Variants in FRMD4A observed in about 807,000 individuals in gnomAD.
FRMD4A encodes FERM domain-containing protein 4A.
In FRMD4A, 29 loss-of-function variants were observed where a neutral mutation model predicts 129.1. The ratio of observed to expected loss-of-function variants is 0.22; its 90% confidence interval spans 0.17 to 0.31. The LOEUF (loss-of-function observed/expected upper bound fraction) is 0.31, where lower values mean the gene tolerates loss of function less well. Ranked by LOEUF, FRMD4A falls within the 10% of genes least tolerant of loss-of-function variation. FRMD4A has a pLI of 1.00. For synonymous variants in FRMD4A, 634 were observed against 571.6 expected (o/e 1.11, Z -1.56); for missense variants, 1,272 against 1,375.8 (o/e 0.92, Z 1.19).
intron 2 of FRMD4A, among the ~76,000 whole-genome samples, chr10:13,988,750 A>G (rs962283509): frequency 1.3e-5 from 2 of 152,338 alleles, no homozygotes; most frequent in Non-Finnish European, 2.9e-5. Flanking sequence ...GTAGATTTCT[A>G]TAGAGATCTA....
At chr10:13,701,580 T>C in intron 13 of FRMD4A, 102 bp from the exon 14 acceptor site, 2 of 1,076,898 alleles carry the variant, frequency 1.9e-6, no homozygotes, top group Admixed American at 2.0e-5. Flanking sequence ...CTAGAAGCCC[T>C]GGCGTAAAGA....
intron 2 of FRMD4A, among the ~76,000 whole-genome samples, chr10:14,027,298 A>T (rs1466800266): frequency 6.6e-6 from 1 of 152,246 alleles, no homozygotes; most frequent in Non-Finnish European, 1.5e-5. Flanking sequence ...AGTCTCAACC[A>T]TGACTTTATG....
At chr10:14,269,243 G>C (rs1334485098) in intron 2 of FRMD4A, among the ~76,000 whole-genome samples, 1 of 152,200 alleles carries the variant, frequency 6.6e-6, no homozygotes, top group Non-Finnish European at 1.5e-5. Flanking sequence ...GCATAGGTTA[G>C]TTGTATTTGA....
At chr10:14,016,709 C>T (rs1181105609) in intron 2 of FRMD4A, among the ~76,000 whole-genome samples, 3 of 151,898 alleles carry the variant, frequency 2.0e-5, no homozygotes, top group Admixed American at 2.0e-4. Flanking sequence ...ACAAAGGAAG[C>T]TAGACCTTAT....
chr10:14,150,051 A>G (rs1589080508), intron 2 of FRMD4A, among the ~76,000 whole-genome samples: 1 of 152,304 alleles, frequency 6.6e-6, no homozygotes, highest in Admixed American at 6.5e-5. Flanking sequence ...AGTGTGAAGA[A>G]GGAAATGCTA....
intron 5 of FRMD4A, among the ~76,000 whole-genome samples, chr10:13,793,893 T>A (rs1185508308): frequency 6.6e-6 from 1 of 152,158 alleles, no homozygotes; most frequent in African/African-American, 2.4e-5. Context: ...GCCTCCTCTC[T>A]TAGAGAAAAC....
chr10:13,940,509 T>C (rs536117705), intron 2 of FRMD4A, among the ~76,000 whole-genome samples: 35 of 152,304 alleles, frequency 2.3e-4, no homozygotes, highest in South Asian at 4.1e-4. Flanking sequence ...ATTAAAAATA[T>C]GGTCTTGTAT....
intron 2 of FRMD4A, among the ~76,000 whole-genome samples, chr10:14,004,558 G>GA (rs1033228548): frequency 5.3e-5 from 8 of 149,918 alleles, no homozygotes; most frequent in Admixed American, 3.3e-4. Flanking sequence ...AAAACAAACA[G>GA]AAAAAAAAAG....
chr10:13,666,096 C>T lies in FRMD4A; in HGVS notation c.1603+1G>A. On this transcript the variant is annotated splice_donor_variant, in intron 18 of 24. Transcript: ENST00000357447. LOFTEE classifies it high-confidence loss of function. ...GTGGGGGCAGCCCGGTTGGCACTGA[C>T]CGTCTATGATCAGCGAAGCCCTCTG... The T allele has an allele frequency of 6.3e-7, 1 of 1,586,064 alleles. No individual in the cohort carries two copies. The highest frequency in any genetic ancestry group is 8.7e-7 in the Non-Finnish European group (1 of 1,154,370).
At chr10:13,672,778 G>A (rs998614870) in intron 16 of FRMD4A, among the ~76,000 whole-genome samples, 1 of 152,052 alleles carries the variant, frequency 6.6e-6, no homozygotes, top group African/African-American at 2.4e-5. Context: ...TCTGAGCTGA[G>A]GGGAGAGATG....
intron 2 of FRMD4A, among the ~76,000 whole-genome samples, chr10:14,216,232 C>G (rs1589179395): frequency 6.6e-6 from 1 of 152,166 alleles, no homozygotes; most frequent in Non-Finnish European, 1.5e-5. Context: ...GACTTCCAAC[C>G]TACTCAAACT....
intron 2 of FRMD4A, among the ~76,000 whole-genome samples, chr10:14,061,704 C>A (rs548806846): frequency 2.0e-4 from 31 of 152,162 alleles, no homozygotes; most frequent in African/African-American, 7.0e-4. Flanking sequence ...GAAACGTTGT[C>A]CTTATGATAA....
At chr10:14,004,371 C>T (rs1433711404) in intron 2 of FRMD4A, among the ~76,000 whole-genome samples, 3 of 152,054 alleles carry the variant, frequency 2.0e-5, no homozygotes, top group Non-Finnish European at 2.9e-5. Flanking sequence ...GGTGAAACCC[C>T]GTCTCTACTA....
chr10:14,008,605 C>A, intron 2 of FRMD4A: 2 of 649,114 alleles, frequency 3.1e-6, no homozygotes, highest in Non-Finnish European at 3.8e-6. Flanking sequence ...GACTCCCAAG[C>A]CCCTCGGCCG....
At chr10:13,721,392 G>A (rs1001836516) in intron 12 of FRMD4A, among the ~76,000 whole-genome samples, 1 of 152,094 alleles carries the variant, frequency 6.6e-6, no homozygotes, top group Non-Finnish European at 1.5e-5. Context: ...TGAGGGAGGA[G>A]AATCGCTGGA....
At chr10:14,080,678 T>C (rs1190496248) in intron 2 of FRMD4A, among the ~76,000 whole-genome samples, 1 of 151,792 alleles carries the variant, frequency 6.6e-6, no homozygotes, top group Admixed American at 6.6e-5. Context: ...ATTTTGCAGA[T>C]GAGGAAACTG....
At chr10:14,216,890 T>A (rs1304664963) in intron 2 of FRMD4A, among the ~76,000 whole-genome samples, 2 of 152,188 alleles carry the variant, frequency 1.3e-5, no homozygotes, top group African/African-American at 4.8e-5. Flanking sequence ...TTGCATTCTG[T>A]ATCTAGACGC....
chr10:13,691,330 G>A (rs542724461), intron 15 of FRMD4A, among the ~76,000 whole-genome samples: 1 of 152,328 alleles, frequency 6.6e-6, no homozygotes, highest in Admixed American at 6.5e-5. Context: ...TTCATCTCAG[G>A]AGGTTTGGGG....
At chr10:13,810,087 G>C (rs559239527) in intron 4 of FRMD4A, among the ~76,000 whole-genome samples, 1 of 152,364 alleles carries the variant, frequency 6.6e-6, no homozygotes, top group Non-Finnish European at 1.5e-5. Flanking sequence ...CAGAGAGAGA[G>C]AGAGAGAGTC....
Sources: allele counts gnomAD v4.1 joint callset (sites outside exome capture counted in the v4.1 genomes callset), GRCh38; gene constraint gnomAD v4.1.1; transcripts MANE v1.5; gene names NCBI Gene and HGNC (gene_info 2026-07-23, HGNC 2026-07-21).